The following GRM7 variants were observed in gnomAD, a reference collection of about 807,000 sequenced individuals.
GRM7 encodes metabotropic glutamate receptor 7.
GRM7 carries 35 observed loss-of-function variants against 84.5 expected under a neutral mutation model. That is an observed-to-expected ratio of 0.41 (90% CI 0.32 to 0.55). GRM7 has a LOEUF of 0.55. Ranked by LOEUF, GRM7 falls within the 20% of genes least tolerant of loss-of-function variation. The probability of loss-of-function intolerance (pLI) is 0.19; values close to 1 mark genes in which losing one functional copy is unlikely to be tolerated. For synonymous variants in GRM7, 487 were observed against 455.1 expected, an observed-to-expected ratio of 1.07 and a Z score of -0.89; for missense variants, 1,003 against 1,194.6, an observed-to-expected ratio of 0.84 and a Z score of 2.36.
At chr3:6,947,792 T>A (rs1036372501) in intron 1 of GRM7, among the ~76,000 whole-genome samples, 2 of 152,200 alleles carry the variant, frequency 1.3e-5, no homozygotes, top group Non-Finnish European at 2.9e-5. Context: ...GGAGAGTGTA[T>A]GTGTCGAGGA....
At chr3:7,276,780 T>TTCCC (rs371850515) in intron 2 of GRM7, among the ~76,000 whole-genome samples, 1 of 102 alleles carries the variant, frequency 9.8e-3, no homozygotes, top group Non-Finnish European at 0.031. Context: ...CCTTCCTTCC[T>TTCCC]TCCTTCCTTC....
chr3:7,323,914 A>G (rs1700882823), intron 4 of GRM7, among the ~76,000 whole-genome samples: 1 of 152,158 alleles, frequency 6.6e-6, no homozygotes, highest in African/African-American at 2.4e-5. Context: ...TAATCTATCA[A>G]AATTAAGCTG....
At position 7,122,940 on chromosome 3, in the gene GRM7, G is replaced by A. The variant is rs979675406; in HGVS notation, c.520-23512G>A. On this transcript the variant is annotated intron_variant, in intron 1 of 9. Coordinates refer to ENST00000357716, the MANE Select transcript of GRM7 (RefSeq NM_000844.4). ...AATATCAGGGTGGGAACAACCTGCA[G>A]CTATAAAACAAGCATTCCTGAGAAT... 7.7e-4 allele frequency among the ~76,000 whole-genome samples: 117 copies of A among 151,074 alleles called. 1 individual carries two copies. The highest frequency in any genetic ancestry group is 2.8e-3 in the African/African-American group (116 of 40,936).
At chr3:7,138,306 G>C (rs1023552198) in intron 1 of GRM7, among the ~76,000 whole-genome samples, 1 of 151,864 alleles carries the variant, frequency 6.6e-6, no homozygotes, top group Non-Finnish European at 1.5e-5. Flanking sequence ...TCAACAAGAC[G>C]TTAGACCCTT....
intron 4 of GRM7, among the ~76,000 whole-genome samples, chr3:7,352,514 A>G (rs1048748063): frequency 4.6e-5 from 7 of 152,068 alleles, no homozygotes; most frequent in South Asian, 2.1e-4. Context: ...TCCTGTAACT[A>G]TATGTTGAAA....
intron 2 of GRM7, among the ~76,000 whole-genome samples, chr3:7,245,303 C>T (rs372545266): frequency 1.3e-5 from 2 of 151,832 alleles, no homozygotes; most frequent in Non-Finnish European, 1.5e-5. Flanking sequence ...ATCAAAGAAG[C>T]CAAACGAATC....
intron 7 of GRM7, among the ~76,000 whole-genome samples, chr3:7,563,748 G>A (rs976969146): frequency 6.6e-6 from 1 of 152,144 alleles, no homozygotes; most frequent in Non-Finnish European, 1.5e-5. Flanking sequence ...TGAAAAGTCT[G>A]CACTGTCTCA....
chr3:7,212,336 C>T (rs1696458559), intron 2 of GRM7, among the ~76,000 whole-genome samples: 1 of 147,386 alleles, frequency 6.8e-6, no homozygotes, highest in Non-Finnish European at 1.5e-5. Flanking sequence ...TCTTTTTCTC[C>T]ATTCATTCAT....
At chr3:6,911,685 C>T in intron 1 of GRM7, among the ~76,000 whole-genome samples, 1 of 152,240 alleles carries the variant, frequency 6.6e-6, no homozygotes, top group South Asian at 2.1e-4. Context: ...TTTTTCATGG[C>T]TAATGAAAAC....
chr3:7,529,621 C>T (rs1387067035), intron 7 of GRM7, among the ~76,000 whole-genome samples: 2 of 152,058 alleles, frequency 1.3e-5, no homozygotes, highest in East Asian at 3.9e-4. Flanking sequence ...TAACTTGGTT[C>T]CTAGCCCGTT....
chr3:7,260,956 T>C (rs1006573093), intron 2 of GRM7, among the ~76,000 whole-genome samples: 4 of 152,220 alleles, frequency 2.6e-5, no homozygotes, highest in Non-Finnish European at 5.9e-5. Context: ...TCTTGATTTA[T>C]GTCTTAATTT....
chr3:7,642,365 T>C (rs1159849364), intron 8 of GRM7, among the ~76,000 whole-genome samples: 1 of 152,154 alleles, frequency 6.6e-6, no homozygotes, highest in Non-Finnish European at 1.5e-5. Flanking sequence ...AAGACATAAT[T>C]TAGACATGCA....
chr3:7,496,327 C>T (rs1014241605), intron 7 of GRM7, among the ~76,000 whole-genome samples: 1 of 152,106 alleles, frequency 6.6e-6, no homozygotes, highest in African/African-American at 2.4e-5. Flanking sequence ...GCTGAGAATA[C>T]CTGCATAGTG....
At chr3:7,126,761 C>T (rs76367121) in intron 1 of GRM7, among the ~76,000 whole-genome samples, 2 of 152,146 alleles carry the variant, frequency 1.3e-5, no homozygotes, top group African/African-American at 4.8e-5. Context: ...TTTCTTTAGT[C>T]TCTTTTCCTT....
At chr3:6,987,836 A>C (rs1694476675) in intron 1 of GRM7, among the ~76,000 whole-genome samples, 1 of 152,122 alleles carries the variant, frequency 6.6e-6, no homozygotes, top group South Asian at 2.1e-4. Context: ...AGCCCAGGGG[A>C]AATCTGACAG....
intron 1 of GRM7, among the ~76,000 whole-genome samples, chr3:6,940,899 T>G (rs1444356114): frequency 6.6e-6 from 1 of 152,238 alleles, no homozygotes; most frequent in Admixed American, 6.5e-5. Context: ...TTCTTCATAG[T>G]GAGCACTGGC....
At position 7,210,339 on chromosome 3, in the gene GRM7, C is replaced by A. The variant is rs140087177; in HGVS notation, c.736+63671C>A. Reference sequence around the variant, plus strand: ...CATACCCTAAGAAGCTTTCCTACCGCTATCTTATAAAGCCTTAGTCTTCCA... The same window carrying A: ...CATACCCTAAGAAGCTTTCCTACCGATATCTTATAAAGCCTTAGTCTTCCA... On this transcript the variant is annotated intron_variant, in intron 2 of 9. Coordinates refer to ENST00000357716, the MANE Select transcript of GRM7 (RefSeq NM_000844.4). 6.1e-3 allele frequency among the ~76,000 whole-genome samples: 930 copies of A among 152,292 alleles called. 5 individuals carry two copies. Among genetic ancestry groups the A allele is most frequent in the Middle Eastern group, 0.034 (10 of 294 alleles).
intron 1 of GRM7, among the ~76,000 whole-genome samples, chr3:7,054,876 G>A (rs1697155518): frequency 6.6e-6 from 1 of 151,790 alleles, no homozygotes; most frequent in Admixed American, 6.6e-5. Flanking sequence ...AGATCACCAG[G>A]CTCTCCTTAG....
chr3:7,452,847 G>A, intron 6 of GRM7, 40 bp downstream of exon 6: 1 of 1,252,620 alleles, frequency 8.0e-7, no homozygotes, highest in Non-Finnish European at 1.2e-6. Flanking sequence ...AATCCTAAGT[G>A]TTGGCATTCT....
Sources: allele counts gnomAD v4.1 joint callset (sites outside exome capture counted in the v4.1 genomes callset), GRCh38; gene constraint gnomAD v4.1.1; transcripts MANE v1.5; gene names NCBI Gene and HGNC (gene_info 2026-07-23, HGNC 2026-07-21).